Variants in USP24 observed in about 807,000 individuals in gnomAD.
USP24 encodes the protein ubiquitin carboxyl-terminal hydrolase 24.
A neutral mutation model predicts 361.6 loss-of-function variants in USP24; 97 were observed. That is an observed-to-expected ratio of 0.27 (90% confidence interval 0.23 to 0.32). USP24 has a LOEUF of 0.32. Among genes scored for constraint, USP24 ranks in the 10% least tolerant of loss-of-function variants. USP24 has a pLI of 1.00. For missense variants in USP24, 2,353 were observed against 3,165.6 expected (o/e 0.74, Z 6.16); for synonymous variants, 1,098 against 1,124.6 (o/e 0.98, Z 0.47).
At chr1:55,153,800 T>C (rs1222126682) in intron 16 of USP24, 70 bp downstream of exon 16, 1 of 1,351,010 alleles carries the variant, frequency 7.4e-7, no homozygotes, top group East Asian at 2.5e-5. Context: ...TTTAAAATTG[T>C]GGTGTAATTT....
rs909113990 is a variant in USP24 at position 55,068,033 on chromosome 1, T to C, written c.*1012A>G. 1 of 152,250 alleles carries C rather than the reference T, an allele frequency of 6.6e-6. No individual in the cohort carries two copies. Among genetic ancestry groups the C allele is most frequent in the Non-Finnish European group, 1.5e-5 (1 of 68,038 alleles). The allele number at this position is 152,250 out of a possible 1,614,324, so 9.4% of individuals were successfully genotyped here. ...TTCCTTCTCTGCATTACAATAACTA[T>C]GAAACTCACAAGCAGTGTGTACCAA... is the stretch of plus-strand genomic sequence containing the variant. On this transcript the variant is annotated 3_prime_UTR_variant, in exon 68 of 68. Coordinates refer to ENST00000294383, the MANE Select transcript of USP24 (RefSeq NM_015306.3).
rs2100492865 is a variant in USP24 at position 55,097,055 on chromosome 1, G to A, written c.5833C>T (p.Arg1945Ter). Residue 1945 changes from arginine (R) to a stop codon, truncating the protein, a stop_gained, in exon 49 of 68, where the codon CGA becomes TGA. Transcript: ENST00000294383. LOFTEE classifies it high-confidence loss of function. ...TTTTCTGTGAGGGCAACCTTTTTTC[G>A]TGGGGATCCTCCACCGCCCTGATCC... ...SVDQGGGGSPRKKVALTENYE... is the reference protein window; with the variant it reads ...SVDQGGGGSP 6.2e-7 allele frequency: 1 copy of A among 1,613,520 alleles called. No individual in the cohort carries two copies. Among genetic ancestry groups the A allele is most frequent in the Non-Finnish European group, 8.5e-7 (1 of 1,179,758 alleles).
intron 16 of USP24, among the ~76,000 whole-genome samples, chr1:55,150,434 T>G (rs1647161303): frequency 2.0e-5 from 3 of 152,124 alleles, no homozygotes; most frequent in Admixed American, 6.6e-5. Context: ...ATATTAAAGG[T>G]CAACTACTTG....
chr1:55,191,073 T>C (rs1388166106), intron 1 of USP24, among the ~76,000 whole-genome samples: 1 of 152,216 alleles, frequency 6.6e-6, no homozygotes, highest in Non-Finnish European at 1.5e-5. Context: ...TGCACAGCTC[T>C]GGCACGAAGG....
chr1:55,143,149 A>G, intron 21 of USP24, 30 bp from the exon 22 acceptor site: 1 of 1,425,570 alleles, frequency 7.0e-7, no homozygotes, highest in Non-Finnish European at 9.2e-7. Flanking sequence ...TTAAATTATA[A>G]AGCATATCAA....
Position 55,146,998 on chromosome 1 carries a change from G to A in USP24, c.2181C>T (p.Gly727=). 6.2e-7 allele frequency: 1 copy of A among 1,605,960 alleles called. No homozygotes were observed. Among genetic ancestry groups the A allele is most frequent in the Non-Finnish European group, 8.5e-7 (1 of 1,176,778 alleles). The part of the protein sequence containing the change: ...FFLQEATLYL[G]WNRAKEIWEC... The stretch of plus-strand genomic sequence containing the variant: ...CCCAGATCTCCTTGGCACGATTCCA[G>A]CCCAGATACAGAGTAGCTTCTTGCA... Residue 727 remains glycine (G), a synonymous_variant, in exon 19 of 68, where the codon GGC becomes GGT. Transcript: ENST00000294383.
At chr1:55,109,145 C>T (rs573653583) in intron 39 of USP24, among the ~76,000 whole-genome samples, 18 of 152,278 alleles carry the variant, frequency 1.2e-4, no homozygotes, top group East Asian at 3.9e-4. Context: ...CGTGCCACCA[C>T]GCCCGGCTGA....
intron 28 of USP24, among the ~76,000 whole-genome samples, chr1:55,136,474 G>A (rs572586313): frequency 1.3e-5 from 2 of 152,244 alleles, no homozygotes; most frequent in Middle Eastern, 3.4e-3. Context: ...CTGGGCCACT[G>A]GGTGCCCTGT....
At chr1:55,121,678 C>T (rs1646285785) in intron 36 of USP24, among the ~76,000 whole-genome samples, 172 bp from the exon 37 acceptor site, 1 of 152,200 alleles carries the variant, frequency 6.6e-6, no homozygotes, top group South Asian at 2.1e-4. Context: ...CCATAAAATT[C>T]TAAGTTGTTC....
Position 55,215,190 on chromosome 1 carries a change from C to G in USP24, c.-77G>C. 13 of 1,143,280 alleles carry G rather than the reference C, an allele frequency of 1.1e-5. No individual in the cohort carries two copies. The highest frequency in any genetic ancestry group is 1.3e-5 in the Non-Finnish European group (12 of 916,858). The allele number at this position is 1,143,280 out of a possible 1,614,324, so 70.8% of individuals were successfully genotyped here. On this transcript the variant is annotated 5_prime_UTR_variant, in exon 1 of 68. Transcript: ENST00000294383. ...CGGGCCTGGCGGGCCGCGCGGCGCA[C>G]CCTCCGCGCCGCCTCCGCGCCCAGG...
At chr1:55,097,485 T>G in intron 48 of USP24, 113 bp downstream of exon 48, 2 of 1,426,240 alleles carry the variant, frequency 1.4e-6, no homozygotes, top group Non-Finnish European at 1.9e-6. Context: ...TTCATAATGC[T>G]GAGACAACAG....
At chr1:55,203,787 C>A (rs1281296832) in intron 1 of USP24, among the ~76,000 whole-genome samples, 2 of 152,196 alleles carry the variant, frequency 1.3e-5, no homozygotes, top group Non-Finnish European at 2.9e-5. Flanking sequence ...TGTATCTGCA[C>A]ATATATCATG....
chr1:55,172,624 A>G, intron 3 of USP24, 104 bp from the exon 4 acceptor site: 1 of 1,261,640 alleles, frequency 7.9e-7, no homozygotes, highest in Non-Finnish European at 1.1e-6. Flanking sequence ...TGATGAAAAT[A>G]CTTTTTTATG....
At chr1:55,180,552 C>A (rs891984565) in intron 1 of USP24, among the ~76,000 whole-genome samples, 2 of 152,188 alleles carry the variant, frequency 1.3e-5, no homozygotes, top group Non-Finnish European at 2.9e-5. Flanking sequence ...CAGAGATAAA[C>A]TGCTGTCTGA....
rs1647440578 is a variant in USP24, at chr1:55,154,692, A to G, written c.1533T>C (p.His511=). ...GTACCTTCTGAATGAGAACAAACAA[A>G]TGATTAAGCTGATCTGAATTAAATT... is the stretch of plus-strand genomic sequence containing the variant. The part of the protein sequence containing the change: ...AVKFNSDQLN[H]LFVLIQKSWE... Residue 511 remains histidine (H), a synonymous_variant, in exon 13 of 68, where the codon CAT becomes CAC. Coordinates refer to ENST00000294383, the MANE Select transcript of USP24 (RefSeq NM_015306.3). 6.2e-7 allele frequency: 1 copy of G among 1,613,090 alleles called. No homozygotes were observed. The highest frequency in any genetic ancestry group is 8.5e-7 in the Non-Finnish European group (1 of 1,179,526).
At chr1:55,083,943 T>TACC in intron 56 of USP24, 55 bp from the exon 57 acceptor site, 4 of 1,336,480 alleles carry the variant, frequency 3.0e-6, no homozygotes, top group Non-Finnish European at 4.1e-6. Context: ...GACAGACATT[T>TACC]ATAACAGGAT....
intron 1 of USP24, among the ~76,000 whole-genome samples, chr1:55,209,345 C>T (rs1644794582): frequency 1.3e-5 from 2 of 152,108 alleles, no homozygotes; most frequent in South Asian, 4.1e-4. Flanking sequence ...ACACTGGAAC[C>T]TCTTCTTGAC....
chr1:55,083,298 G>A lies in USP24; in HGVS notation c.6949C>T (p.Leu2317=), dbSNP rs1250403348. 53 of 1,613,688 alleles carry A rather than the reference G, an allele frequency of 3.3e-5. No individual in the cohort carries two copies. The highest frequency in any genetic ancestry group is 4.5e-5 in the Non-Finnish European group (53 of 1,179,690). The part of the protein sequence containing the change: ...SALRHMISFL[L]GASRQNNQIR... The stretch of plus-strand genomic sequence containing the variant: ...TGATTGTTTTGCCGACTGGCCCCTA[G>A]GAGGAAGCTGATCATGTGCCGCAGA... Residue 2317 remains leucine, a synonymous_variant, in exon 58 of 68, where the codon CTA becomes TTA. Transcript: ENST00000294383.
chr1:55,073,075 T>C (rs1644953291), intron 64 of USP24: 2 of 557,278 alleles, frequency 3.6e-6, no homozygotes, highest in Non-Finnish European at 6.3e-6. Context: ...AGGGAGTCAG[T>C]CTTCAATAGG....
Sources: gnomAD v4.1 joint callset for allele counts (sites outside exome capture counted in the v4.1 genomes callset) on GRCh38, gnomAD v4.1.1 for gene constraint, MANE v1.5 for transcripts, NCBI Gene and HGNC (gene_info 2026-07-23, HGNC 2026-07-21) for gene names.